Variants in ATP2B1 observed in about 807,000 individuals in gnomAD.
ATP2B1 encodes the protein plasma membrane calcium-transporting ATPase 1.
ATP2B1 carries 14 observed loss-of-function variants against 124.2 expected under a neutral mutation model. The observed-to-expected ratio is 0.11, with a 90% confidence interval of 0.07 to 0.18. The LOEUF is 0.18. ATP2B1 is among the 10% of genes least tolerant of loss of function. ATP2B1 has a pLI of 1.00. For missense variants in ATP2B1, 763 were observed against 1,466.1 expected, an observed-to-expected ratio of 0.52 and a Z score of 7.83; for synonymous variants, 449 against 492.4, an observed-to-expected ratio of 0.91 and a Z score of 1.17.
chr12:89,644,975 A>T (rs1258260761), intron 2 of ATP2B1, among the ~76,000 whole-genome samples: 2 of 152,192 alleles, frequency 1.3e-5, no homozygotes, highest in East Asian at 3.8e-4. Flanking sequence ...AATTCCTCTA[A>T]ACTACTAACA....
At chr12:89,653,382 C>T (rs920347671) in intron 2 of ATP2B1, among the ~76,000 whole-genome samples, 24 of 147,042 alleles carry the variant, frequency 1.6e-4, no homozygotes, top group African/African-American at 4.7e-4. Flanking sequence ...CTGCAAGCTC[C>T]GCTTCCCGGG....
chr12:89,656,025 A>AT lies in ATP2B1; in HGVS notation c.-140dup, dbSNP rs1885914136. ...TCATTGTATGACTTTGTAAAGCAGC[A>AT]TCAGCAGCAACATTTCCCAGAGAAG... is the stretch of plus-strand genomic sequence containing the variant. On this transcript the variant is annotated 5_prime_UTR_variant, in exon 2 of 21. In the 5' UTR this introduces an upstream ATG that the reference lacks. Transcript: ENST00000428670. The AT allele has an allele frequency of 1.5e-5, 13 of 841,794 alleles. No homozygotes were observed. The highest frequency in any genetic ancestry group is 2.3e-5 in the Non-Finnish European group (13 of 566,180). 52.1% of individuals were successfully genotyped at this position (841,794 alleles called of 1,614,324 possible).
At chr12:89,638,796 G>C (rs1417895685) in intron 3 of ATP2B1, among the ~76,000 whole-genome samples, 1 of 152,162 alleles carries the variant, frequency 6.6e-6, no homozygotes, top group African/African-American at 2.4e-5. Context: ...GCTGTGAAAA[G>C]ATTGCCACAA....
chr12:89,658,585 G>C (rs1022070220), intron 1 of ATP2B1, among the ~76,000 whole-genome samples: 9 of 130,518 alleles, frequency 6.9e-5, no homozygotes, highest in Non-Finnish European at 1.3e-4. Flanking sequence ...AATTCAAACA[G>C]AGAATTCAAA....
At position 89,617,283 on chromosome 12, in the gene ATP2B1, T is replaced by C. The variant is rs1450208834; in HGVS notation, c.1830-244A>G. On this transcript the variant is annotated intron_variant, in intron 11 of 20. Coordinates refer to ENST00000428670, the MANE Select transcript of ATP2B1 (RefSeq NM_001366521.1). ...AATTACTCTAGAACTTCTCTAAACC[T>C]TGTCTTTTGGAAATGCAGTGCTTTC... Among the ~76,000 whole-genome samples, 6 of 152,226 alleles carry C rather than the reference T, an allele frequency of 3.9e-5. No homozygotes were observed. The East Asian group carries it at 9.6e-4, about 24-fold the overall frequency.
At chr12:89,602,697 A>G (rs1385350908) in intron 18 of ATP2B1, among the ~76,000 whole-genome samples, 2 of 152,238 alleles carry the variant, frequency 1.3e-5, no homozygotes, top group Non-Finnish European at 2.9e-5. Context: ...TTTAAAATTT[A>G]AACCTGATCT....
At chr12:89,659,387 C>T (rs955386977) in intron 1 of ATP2B1, among the ~76,000 whole-genome samples, 1 of 151,858 alleles carries the variant, frequency 6.6e-6, no homozygotes, top group Non-Finnish European at 1.5e-5. Flanking sequence ...CACACACGCA[C>T]AAGCACACGT....
chr12:89,642,087 T>C (rs754127001), intron 3 of ATP2B1, 71 bp downstream of exon 3: 1 of 1,413,836 alleles, frequency 7.1e-7, no homozygotes, highest in Non-Finnish European at 9.9e-7. Context: ...CCAGCTATTA[T>C]TATTGTGCAT....
chr12:89,604,070 T>C, intron 16 of ATP2B1, 85 bp downstream of exon 16: 1 of 1,443,496 alleles, frequency 6.9e-7, no homozygotes. Flanking sequence ...AGCTTCAGCT[T>C]AAATATTAAG....
At chr12:89,610,667 C>T (rs940978473) in intron 13 of ATP2B1, 159 bp from the exon 14 acceptor site, 9 of 627,228 alleles carry the variant, frequency 1.4e-5, no homozygotes, top group Non-Finnish European at 2.5e-5. Flanking sequence ...GGCATGGACC[C>T]AGATCTATCT....
At chr12:89,667,004 C>CA (rs1373194120) in intron 1 of ATP2B1, among the ~76,000 whole-genome samples, 21 of 151,990 alleles carry the variant, frequency 1.4e-4, no homozygotes, top group Non-Finnish European at 4.4e-5. Flanking sequence ...ACAAAAAAAA[C>CA]AAAAAACATG....
chr12:89,664,476 G>T (rs756427256), intron 1 of ATP2B1, among the ~76,000 whole-genome samples: 1 of 152,152 alleles, frequency 6.6e-6, no homozygotes, highest in Non-Finnish European at 1.5e-5. Flanking sequence ...CTCTTGGGAG[G>T]TTGGTCTAAT....
intron 2 of ATP2B1, among the ~76,000 whole-genome samples, chr12:89,653,263 A>C (rs2136334090): frequency 6.6e-6 from 1 of 151,556 alleles, no homozygotes; most frequent in South Asian, 2.1e-4. Context: ...AAGCAGCAAC[A>C]ATTCACATAG....
chr12:89,611,575 C>T, intron 12 of ATP2B1: 1 of 439,226 alleles, frequency 2.3e-6, no homozygotes, highest in East Asian at 3.7e-5. Context: ...CACTGCCAGA[C>T]TTAGCTCAGG....
intron 3 of ATP2B1, among the ~76,000 whole-genome samples, chr12:89,637,684 C>A (rs1882914192): frequency 6.6e-6 from 1 of 152,154 alleles, no homozygotes; most frequent in African/African-American, 2.4e-5. Context: ...CAGGCATGAG[C>A]CACTGTGCCC....
intron 11 of ATP2B1, among the ~76,000 whole-genome samples, 190 bp downstream of exon 11, chr12:89,619,809 G>A (rs1879670934): frequency 6.6e-6 from 1 of 152,096 alleles, no homozygotes. Context: ...TAAGAAATAA[G>A]AGAAGCTAGA....
chr12:89,667,699 T>C (rs771683713), intron 1 of ATP2B1, among the ~76,000 whole-genome samples: 5 of 152,038 alleles, frequency 3.3e-5, no homozygotes, highest in Non-Finnish European at 7.4e-5. Flanking sequence ...TACTAGAAAG[T>C]AAAATTAAGT....
At chr12:89,689,386 A>G (rs1412693350) in intron 1 of ATP2B1, among the ~76,000 whole-genome samples, 1 of 152,178 alleles carries the variant, frequency 6.6e-6, no homozygotes, top group Non-Finnish European at 1.5e-5. Flanking sequence ...GGTAAACACG[A>G]AATAAAATTT....
At chr12:89,701,425 T>G (rs1462345742) in intron 1 of ATP2B1, among the ~76,000 whole-genome samples, 1 of 152,232 alleles carries the variant, frequency 6.6e-6, no homozygotes, top group Non-Finnish European at 1.5e-5. Context: ...ATATAGAACT[T>G]TATCCAGCAA....
Sources: gnomAD v4.1 joint callset for allele counts (sites outside exome capture counted in the v4.1 genomes callset) on GRCh38, gnomAD v4.1.1 for gene constraint, MANE v1.5 for transcripts, NCBI Gene and HGNC (gene_info 2026-07-23, HGNC 2026-07-21) for gene names.